Variants in CTNND2 observed in about 807,000 individuals in gnomAD.
CTNND2 encodes catenin delta-2.
CTNND2 carries 22 observed loss-of-function variants against 144.4 expected under a neutral mutation model. That is an observed-to-expected ratio of 0.15 (90% CI 0.11 to 0.22). CTNND2 has a LOEUF of 0.22. Ranked by LOEUF, CTNND2 falls within the 10% of genes least tolerant of loss-of-function variation. The probability of loss-of-function intolerance (pLI) is 1.00; values close to 1 mark genes in which losing one functional copy is unlikely to be tolerated. For synonymous variants in CTNND2, 751 were observed against 695.6 expected (o/e 1.08, Z -1.25); for missense variants, 1,353 against 1,618.8 (o/e 0.84, Z 2.82).
At chr5:11,450,952 A>G (rs1390073728) in intron 3 of CTNND2, among the ~76,000 whole-genome samples, 3 of 150,804 alleles carry the variant, frequency 2.0e-5, no homozygotes, top group Admixed American at 2.0e-4. Flanking sequence ...TTTTATGGGT[A>G]GTTTCCTTCA....
At chr5:11,443,941 C>T (rs1422919971) in intron 3 of CTNND2, among the ~76,000 whole-genome samples, 2 of 152,206 alleles carry the variant, frequency 1.3e-5, no homozygotes, top group Admixed American at 6.5e-5. Flanking sequence ...CTGACACCAA[C>T]TGTTATTTGG....
chr5:11,792,791 G>T (rs980088725), intron 1 of CTNND2, among the ~76,000 whole-genome samples: 1 of 152,190 alleles, frequency 6.6e-6, no homozygotes, highest in Admixed American at 6.5e-5. Flanking sequence ...AGCACACAAT[G>T]CTTCTATTCT....
intron 8 of CTNND2, among the ~76,000 whole-genome samples, chr5:11,360,531 G>T (rs1431765284): frequency 6.6e-6 from 1 of 152,082 alleles, no homozygotes; most frequent in Non-Finnish European, 1.5e-5. Flanking sequence ...TACAGCTGTA[G>T]CACCGAATGA....
intron 2 of CTNND2, among the ~76,000 whole-genome samples, chr5:11,600,907 GT>G (rs1779759114): frequency 6.6e-6 from 1 of 152,056 alleles, no homozygotes; most frequent in Non-Finnish European, 1.5e-5. Context: ...TCATCCATGA[GT>G]GCTTGCCTCC....
intron 3 of CTNND2, among the ~76,000 whole-genome samples, chr5:11,421,765 C>A (rs1470006722): frequency 6.6e-6 from 1 of 152,094 alleles, no homozygotes; most frequent in Non-Finnish European, 1.5e-5. Flanking sequence ...AAGAGAGGGG[C>A]AGCACCAGCT....
chr5:11,488,426 GTAGA>G (rs889970478), intron 3 of CTNND2, among the ~76,000 whole-genome samples: 1 of 151,932 alleles, frequency 6.6e-6, no homozygotes, highest in African/African-American at 2.4e-5. Context: ...CTTTCACATC[GTAGA>G]TAAAGAACAT....
At chr5:11,856,302 G>A (rs1000279015) in intron 1 of CTNND2, among the ~76,000 whole-genome samples, 1 of 152,180 alleles carries the variant, frequency 6.6e-6, no homozygotes, top group Non-Finnish European at 1.5e-5. Flanking sequence ...GAGTTCATTC[G>A]GCATGGCCAG....
At chr5:11,770,464 G>A (rs1056902417) in intron 1 of CTNND2, among the ~76,000 whole-genome samples, 7 of 142,978 alleles carry the variant, frequency 4.9e-5, no homozygotes, top group African/African-American at 2.0e-4. Context: ...AGGAAGGAAG[G>A]GGTAGGGGTA....
At chr5:11,088,526 A>G (rs61755696) in intron 15 of CTNND2, among the ~76,000 whole-genome samples, 53 of 152,296 alleles carry the variant, frequency 3.5e-4, no homozygotes, top group African/African-American at 1.2e-3. Context: ...CTCTTTAAAC[A>G]TAGTGCCTCA....
intron 2 of CTNND2, among the ~76,000 whole-genome samples, chr5:11,728,300 T>A (rs2126733349): frequency 6.8e-6 from 1 of 146,100 alleles, no homozygotes; most frequent in East Asian, 2.0e-4. Flanking sequence ...GTGAAACCTG[T>A]CTCTACTGAA....
chr5:11,697,017 A>T (rs549380885), intron 2 of CTNND2, among the ~76,000 whole-genome samples: 26 of 151,684 alleles, frequency 1.7e-4, no homozygotes, highest in South Asian at 6.2e-4. Flanking sequence ...ATGTCCATAA[A>T]TAAAAGGTCA....
chr5:11,777,070 CTTTCTA>C (rs917989681), intron 1 of CTNND2, among the ~76,000 whole-genome samples: 3 of 152,162 alleles, frequency 2.0e-5, no homozygotes, highest in Admixed American at 1.3e-4. Flanking sequence ...ACACATGACA[CTTTCTA>C]TTTCAAATAA....
chr5:11,605,348 C>G (rs777987608), intron 2 of CTNND2, among the ~76,000 whole-genome samples: 1 of 152,204 alleles, frequency 6.6e-6, no homozygotes, highest in Non-Finnish European at 1.5e-5. Flanking sequence ...GTCTTACATT[C>G]TAATGAAGCA....
chr5:11,530,210 A>G (rs958050948), intron 3 of CTNND2, among the ~76,000 whole-genome samples: 1 of 151,884 alleles, frequency 6.6e-6, no homozygotes, highest in South Asian at 2.1e-4. Context: ...ATGACTCATA[A>G]TATCTCGATA....
chr5:11,710,335 G>T (rs1003502952), intron 2 of CTNND2, among the ~76,000 whole-genome samples: 6 of 152,038 alleles, frequency 3.9e-5, no homozygotes, highest in African/African-American at 7.2e-5. Flanking sequence ...GAGGTCAAGG[G>T]ATCGAGATCA....
At chr5:11,847,114 G>GT (rs1350033319) in intron 1 of CTNND2, among the ~76,000 whole-genome samples, 8 of 119,114 alleles carry the variant, frequency 6.7e-5, no homozygotes, top group Admixed American at 1.9e-4. Context: ...AATAAAATCA[G>GT]TATGTCAAAG....
chr5:11,740,284 A>G (rs1439268755), intron 1 of CTNND2, among the ~76,000 whole-genome samples: 5 of 152,238 alleles, frequency 3.3e-5, no homozygotes, highest in Non-Finnish European at 5.9e-5. Flanking sequence ...ACCTGACTTC[A>G]AACTATATTA....
intron 5 of CTNND2, among the ~76,000 whole-genome samples, chr5:11,397,774 C>T (rs1467783925): frequency 6.6e-6 from 1 of 152,184 alleles, no homozygotes; most frequent in African/African-American, 2.4e-5. Flanking sequence ...TGACTGGTTA[C>T]CTTTACCATC....
At chr5:11,739,696 A>C (rs972705312) in intron 1 of CTNND2, among the ~76,000 whole-genome samples, 3 of 152,206 alleles carry the variant, frequency 2.0e-5, no homozygotes, top group African/African-American at 4.8e-5. Context: ...TGGCCCGGGC[A>C]ATCAGGCAGG....
Sources: gnomAD v4.1 joint callset for allele counts (sites outside exome capture counted in the v4.1 genomes callset) on GRCh38, gnomAD v4.1.1 for gene constraint, MANE v1.5 for transcripts, NCBI Gene and HGNC (gene_info 2026-07-23, HGNC 2026-07-21) for gene names.